Variants in ADK observed in about 807,000 individuals in gnomAD.
ADK encodes the protein adenosine kinase, also known as N6,N6-dimethyladenosine kinase.
ADK carries 24 observed loss-of-function variants against 44.7 expected under a neutral mutation model. That is an observed-to-expected ratio of 0.54 (90% CI 0.39 to 0.76). The LOEUF (loss-of-function observed/expected upper bound fraction) is 0.76, where lower values mean the gene tolerates loss of function less well. ADK is among the 30% of genes least tolerant of loss of function. ADK has a pLI of 0.00. For synonymous variants in ADK, 128 were observed against 142.6 expected (o/e 0.90, Z 0.73); for missense variants, 321 against 425.1 (o/e 0.76, Z 2.15).
intron 4 of ADK, among the ~76,000 whole-genome samples, chr10:74,388,017 C>G (rs1218419572): frequency 6.6e-6 from 1 of 152,072 alleles, no homozygotes; most frequent in Non-Finnish European, 1.5e-5. Flanking sequence ...AAGCGATTCT[C>G]CTTACCTCAG....
At chr10:74,233,715 C>G (rs1465033946) in intron 3 of ADK, among the ~76,000 whole-genome samples, 1 of 152,184 alleles carries the variant, frequency 6.6e-6, no homozygotes, top group Non-Finnish European at 1.5e-5. Flanking sequence ...GCTTTTCTGT[C>G]ATTGTCCATT....
chr10:74,174,022 G>C (rs1021015069), intron 1 of ADK, among the ~76,000 whole-genome samples: 1 of 151,926 alleles, frequency 6.6e-6, no homozygotes, highest in Non-Finnish European at 1.5e-5. Flanking sequence ...CAGTTTAAAG[G>C]CTGGGTGTGG....
chr10:74,645,903 G>A (rs1458429836), intron 9 of ADK, among the ~76,000 whole-genome samples: 2 of 152,096 alleles, frequency 1.3e-5, no homozygotes, highest in East Asian at 3.8e-4. Context: ...GTTCAGAGTA[G>A]ACAAAGCAAG....
chr10:74,175,974 T>C lies in ADK; in HGVS notation c.65+24631T>C, dbSNP rs1842323265. Among the ~76,000 whole-genome samples, 4 of 94,252 alleles carry C rather than the reference T, an allele frequency of 4.2e-5. No homozygotes were observed. The South Asian group carries it at 1.0e-3, about 25-fold the overall frequency. The allele number at this position is 94,252 out of a possible 152,430, so 61.8% of individuals were successfully genotyped here. ...TGCCATCCACTTTTCCCCTCTATGG[T>C]CTTAGATTCTTTTTTTTTTATAGCC... On this transcript the variant is annotated intron_variant, in intron 1 of 10. Transcript: ENST00000539909.
At chr10:74,427,899 T>G (rs10824175) in intron 6 of ADK, among the ~76,000 whole-genome samples, 91,387 of 151,928 alleles carry the variant, frequency 0.6, 30,048 homozygotes, top group Middle Eastern at 0.77. Flanking sequence ...TTAACAGAAA[T>G]TTATTCTTTC....
chr10:74,520,896 T>C (rs371434930), intron 6 of ADK, among the ~76,000 whole-genome samples: 1 of 152,166 alleles, frequency 6.6e-6, no homozygotes, highest in African/African-American at 2.4e-5. Flanking sequence ...CTCTAAGTGT[T>C]AGCATCTACT....
At chr10:74,673,487 G>GCA (rs1383936924) in intron 10 of ADK, among the ~76,000 whole-genome samples, 1 of 152,192 alleles carries the variant, frequency 6.6e-6, no homozygotes, top group Non-Finnish European at 1.5e-5. Context: ...GCACACGTGA[G>GCA]CAGGTGCAGG....
At chr10:74,383,343 T>C (rs1253310020) in intron 4 of ADK, among the ~76,000 whole-genome samples, 1 of 152,002 alleles carries the variant, frequency 6.6e-6, no homozygotes, top group Non-Finnish European at 1.5e-5. Context: ...TAAGACTTTT[T>C]GGAATACTGA....
At chr10:74,687,460 G>C (rs1188375658) in intron 10 of ADK, among the ~76,000 whole-genome samples, 2 of 152,182 alleles carry the variant, frequency 1.3e-5, no homozygotes, top group African/African-American at 4.8e-5. Flanking sequence ...TGAACGAGAT[G>C]CCTACCCTTT....
At chr10:74,479,683 C>G (rs1234744730) in intron 6 of ADK, among the ~76,000 whole-genome samples, 1 of 151,846 alleles carries the variant, frequency 6.6e-6, no homozygotes, top group African/African-American at 2.4e-5. Context: ...TATTTCTTTT[C>G]TAGCCATTAG....
At chr10:74,635,001 G>A (rs1853577073) in intron 9 of ADK, among the ~76,000 whole-genome samples, 1 of 152,100 alleles carries the variant, frequency 6.6e-6, no homozygotes, top group Non-Finnish European at 1.5e-5. Flanking sequence ...TAGGACAACA[G>A]CAAAAGGCCT....
intron 10 of ADK, among the ~76,000 whole-genome samples, chr10:74,689,784 G>A (rs1855920952): frequency 6.6e-6 from 1 of 152,198 alleles, no homozygotes; most frequent in South Asian, 2.1e-4. Context: ...TCAAGCCACA[G>A]AATTGTTCTT....
intron 6 of ADK, among the ~76,000 whole-genome samples, chr10:74,473,095 T>C (rs938841985): frequency 2.0e-5 from 3 of 151,960 alleles, no homozygotes; most frequent in African/African-American, 7.3e-5. Context: ...GCTCAGGTGA[T>C]TCTCCCACTT....
intron 6 of ADK, among the ~76,000 whole-genome samples, chr10:74,480,234 T>TTC (rs1847018193): frequency 6.7e-6 from 1 of 149,148 alleles, no homozygotes. Context: ...TTCTTTTTTT[T>TTC]TTTTTTTAAA....
intron 6 of ADK, among the ~76,000 whole-genome samples, chr10:74,437,573 C>T (rs1181319285): frequency 6.6e-6 from 1 of 152,126 alleles, no homozygotes; most frequent in East Asian, 1.9e-4. Flanking sequence ...AACCCATTTA[C>T]TCTTCTTTTA....
At chr10:74,211,371 C>A (rs1435962225) in intron 2 of ADK, among the ~76,000 whole-genome samples, 1 of 152,062 alleles carries the variant, frequency 6.6e-6, no homozygotes, top group African/African-American at 2.4e-5. Flanking sequence ...ATATTTCTTT[C>A]TGTATTTTAG....
chr10:74,557,913 G>T (rs1850320737), intron 7 of ADK, among the ~76,000 whole-genome samples: 1 of 152,136 alleles, frequency 6.6e-6, no homozygotes, highest in African/African-American at 2.4e-5. Context: ...AAAAACTTGG[G>T]GTCAGCAGAA....
chr10:74,599,188 G>T (rs916581929), intron 8 of ADK, among the ~76,000 whole-genome samples: 1 of 152,260 alleles, frequency 6.6e-6, no homozygotes, highest in East Asian at 1.9e-4. Flanking sequence ...TACTACAAAT[G>T]GCTATTCTTT....
chr10:74,689,142 G>T (rs946878830), intron 10 of ADK, among the ~76,000 whole-genome samples: 2 of 150,274 alleles, frequency 1.3e-5, no homozygotes, highest in Non-Finnish European at 3.0e-5. Flanking sequence ...CCAGCTACTC[G>T]GGAGGCTGAG....
Sources: allele counts gnomAD v4.1 joint callset (sites outside exome capture counted in the v4.1 genomes callset), GRCh38; gene constraint gnomAD v4.1.1; transcripts MANE v1.5; gene names NCBI Gene and HGNC (gene_info 2026-07-23, HGNC 2026-07-21).